Variants in DCLK1 observed in about 807,000 individuals in gnomAD.
DCLK1 encodes serine/threonine-protein kinase DCLK1.
Under a neutral mutation model 86.2 loss-of-function variants are expected in DCLK1, and 16 were observed. That is an observed-to-expected ratio of 0.19 (90% CI 0.13 to 0.28). The LOEUF is 0.28. DCLK1 is among the 10% of genes least tolerant of loss of function. The probability of loss-of-function intolerance (pLI) is 1.00; values close to 1 mark genes in which losing one functional copy is unlikely to be tolerated. For missense variants in DCLK1, 590 were observed against 940.2 expected (o/e 0.63, Z 4.87); for synonymous variants, 369 against 370.5 (o/e 1.00, Z 0.05).
intron 3 of DCLK1, among the ~76,000 whole-genome samples, chr13:36,064,468 G>A (rs9575215): frequency 0.23 from 34,653 of 152,054 alleles, 4,380 homozygotes; most frequent in Non-Finnish European, 0.28. Context: ...AGACCATCCT[G>A]GCCAACATGG....
intron 3 of DCLK1, among the ~76,000 whole-genome samples, chr13:36,052,256 T>C (rs1253018846): frequency 6.6e-6 from 1 of 152,178 alleles, no homozygotes; most frequent in Non-Finnish European, 1.5e-5. Flanking sequence ...CTCACTTTCT[T>C]GCTTGCTATG....
chr13:35,875,488 C>A (rs1203913546), intron 4 of DCLK1, among the ~76,000 whole-genome samples: 2 of 152,148 alleles, frequency 1.3e-5, no homozygotes, highest in African/African-American at 2.4e-5. Context: ...ATAATAGAAC[C>A]AATCTTACCA....
At chr13:35,948,187 A>T (rs1048738096) in intron 3 of DCLK1, among the ~76,000 whole-genome samples, 16 of 152,276 alleles carry the variant, frequency 1.1e-4, no homozygotes, top group Non-Finnish European at 2.4e-4. Flanking sequence ...TGTGATCAAA[A>T]TGAATAATTT....
At position 35,917,858 on chromosome 13, in the gene DCLK1, G is replaced by T. The variant is rs28420464; in HGVS notation, c.823+29500C>A. On this transcript the variant is annotated intron_variant, in intron 4 of 16. Coordinates refer to ENST00000360631, the MANE Select transcript of DCLK1 (RefSeq NM_001330071.2). The stretch of plus-strand genomic sequence containing the variant: ...CCAGTGGAGAGGCGTTCTCTAGCTG[G>T]GCTGGAGACTGCACAATTGGCCTGA... 1.8e-3 allele frequency among the ~76,000 whole-genome samples: 278 copies of T among 152,202 alleles called. 1 individual carries two copies. Among genetic ancestry groups the T allele is most frequent in the African/African-American group, 6.4e-3 (266 of 41,514 alleles).
chr13:36,108,461 ACTGAG>A (rs1304632231), intron 3 of DCLK1, among the ~76,000 whole-genome samples: 2 of 152,206 alleles, frequency 1.3e-5, no homozygotes, highest in Non-Finnish European at 1.5e-5. Flanking sequence ...CCGAGAGGCA[ACTGAG>A]CAAGGAGTGG....
chr13:35,837,292 G>A (rs184934341), intron 7 of DCLK1, among the ~76,000 whole-genome samples: 14 of 152,304 alleles, frequency 9.2e-5, no homozygotes, highest in Admixed American at 2.0e-4. Flanking sequence ...TCTGGAAAGC[G>A]TTGAACAAAT....
intron 15 of DCLK1, among the ~76,000 whole-genome samples, chr13:35,795,925 C>CAA (rs36039528): frequency 0.042 from 3,815 of 89,838 alleles, 156 homozygotes; most frequent in African/African-American, 0.074. Flanking sequence ...AACTCCATCT[C>CAA]AAAAAAAAAA....
At chr13:35,919,084 T>C (rs1875622559) in intron 4 of DCLK1, among the ~76,000 whole-genome samples, 1 of 151,770 alleles carries the variant, frequency 6.6e-6, no homozygotes, top group African/African-American at 2.4e-5. Context: ...GTACTTTTAG[T>C]AGAGACAAGG....
chr13:35,906,819 C>T (rs1874713893), intron 4 of DCLK1, among the ~76,000 whole-genome samples: 1 of 152,082 alleles, frequency 6.6e-6, no homozygotes, highest in Admixed American at 6.5e-5. Context: ...GTCACAGAGA[C>T]CTAAATTGGG....
At chr13:35,979,003 C>A (rs773704196) in intron 3 of DCLK1, among the ~76,000 whole-genome samples, 1 of 152,210 alleles carries the variant, frequency 6.6e-6, no homozygotes, top group East Asian at 1.9e-4. Context: ...CCTGAAAACA[C>A]GATCTTCCTT....
At chr13:35,858,098 C>G (rs927058855) in intron 5 of DCLK1, among the ~76,000 whole-genome samples, 1 of 152,046 alleles carries the variant, frequency 6.6e-6, no homozygotes, top group African/African-American at 2.4e-5. Flanking sequence ...CTTGCCCTGT[C>G]AAGAATGGAT....
intron 3 of DCLK1, among the ~76,000 whole-genome samples, chr13:36,106,064 A>G (rs1337446714): frequency 3.9e-5 from 6 of 152,240 alleles, no homozygotes; most frequent in Non-Finnish European, 5.9e-5. Flanking sequence ...GTGGAACACT[A>G]AGAGAACTTA....
intron 3 of DCLK1, among the ~76,000 whole-genome samples, chr13:36,061,305 C>A (rs1035740337): frequency 6.6e-6 from 1 of 152,126 alleles, no homozygotes; most frequent in Admixed American, 6.5e-5. Context: ...AGCCCCAGCA[C>A]ATTCGAGAAG....
intron 3 of DCLK1, among the ~76,000 whole-genome samples, chr13:36,025,975 G>A (rs746801049): frequency 6.6e-6 from 1 of 151,830 alleles, no homozygotes; most frequent in Non-Finnish European, 1.5e-5. Flanking sequence ...TGGGGGGAGA[G>A]GAAAGACATG....
rs115857851 is a variant in DCLK1, at chr13:36,003,030, C to T, written c.724-55573G>A. On this transcript the variant is annotated intron_variant, in intron 3 of 16. Transcript: ENST00000360631. ...GTCCAGGGATCCCAGGCAGATCTAG[C>T]AGTGTGTCCTCTTCTCAGCAATCTG... 1.6e-3 allele frequency among the ~76,000 whole-genome samples: 248 copies of T among 152,314 alleles called. 1 individual carries two copies. Among genetic ancestry groups the T allele is most frequent in the African/African-American group, 5.7e-3 (237 of 41,580 alleles).
intron 3 of DCLK1, among the ~76,000 whole-genome samples, chr13:36,034,052 G>A (rs1882393949): frequency 6.6e-6 from 1 of 152,154 alleles, no homozygotes; most frequent in Non-Finnish European, 1.5e-5. Context: ...GAAAAAGCAG[G>A]AGCCAGGAGG....
intron 4 of DCLK1, among the ~76,000 whole-genome samples, chr13:35,880,056 G>A (rs2051090): frequency 0.46 from 69,497 of 151,996 alleles, 16,072 homozygotes; most frequent in African/African-American, 0.52. Context: ...TAATGAAACC[G>A]TCACCAACCA....
At chr13:35,871,177 G>A in intron 5 of DCLK1, 47 bp downstream of exon 5, 1 of 1,489,098 alleles carries the variant, frequency 6.7e-7, no homozygotes, top group Middle Eastern at 1.8e-4. Context: ...TGCTCATCCT[G>A]TGTCAGGAAC....
chr13:35,893,108 G>T (rs569689598), intron 4 of DCLK1, among the ~76,000 whole-genome samples: 2 of 152,188 alleles, frequency 1.3e-5, no homozygotes, highest in African/African-American at 4.8e-5. Flanking sequence ...TTCAATGAAC[G>T]GTGAATGAAG....
Sources: allele counts gnomAD v4.1 joint callset (sites outside exome capture counted in the v4.1 genomes callset), GRCh38; gene constraint gnomAD v4.1.1; transcripts MANE v1.5; gene names NCBI Gene and HGNC (gene_info 2026-07-23, HGNC 2026-07-21).